The following PRR14L variants were observed in gnomAD, a reference collection of about 807,000 sequenced individuals.
PRR14L encodes protein PRR14L.
Under a neutral mutation model 155.0 loss-of-function variants are expected in PRR14L, and 80 were observed. The observed-to-expected ratio is 0.52, with a 90% CI of 0.43 to 0.62. PRR14L has a LOEUF of 0.62. Ranked by LOEUF, PRR14L falls within the 20% of genes least tolerant of loss-of-function variation. The probability of loss-of-function intolerance (pLI) is 0.00; values close to 1 mark genes in which losing one functional copy is unlikely to be tolerated. For missense variants in PRR14L, 2,469 were observed against 2,548.0 expected (o/e 0.97, Z 0.67); for synonymous variants, 883 against 916.0 (o/e 0.96, Z 0.65).
chr22:31,716,976 G>A lies in PRR14L; in HGVS notation c.863C>T (p.Ala288Val). The A allele has an allele frequency of 6.4e-7, 1 of 1,551,702 alleles. No homozygotes were observed. Among genetic ancestry groups the A allele is most frequent in the African/African-American group, 1.4e-5 (1 of 73,174 alleles). Reference protein sequence around the residue: ...CPWLSLPGNSAISNVDNGKEE... With the variant: ...CPWLSLPGNSVISNVDNGKEE... Reference sequence around the variant, plus strand: ...CTTCCCATTGTCCACATTAGAAATGGCACTGTTTCCTGGTAATGACAACCA... The same window carrying A: ...CTTCCCATTGTCCACATTAGAAATGACACTGTTTCCTGGTAATGACAACCA... The change falls in exon 4 of 9, where the codon GCC becomes GTC. Residue 288 changes from alanine to valine, a missense_variant. Around this residue, in one of 2 missense-constraint regions of PRR14L, gnomAD observed 2,363 missense variants for 2,371.6 expected, o/e 1.00. Coordinates refer to ENST00000327423, the MANE Select transcript of PRR14L (RefSeq NM_173566.3).
At chr22:31,689,992 C>G (rs2147852040) in intron 7 of PRR14L, among the ~76,000 whole-genome samples, 1 of 152,054 alleles carries the variant, frequency 6.6e-6, no homozygotes, top group South Asian at 2.1e-4. Flanking sequence ...TCTCGGCTCA[C>G]TGCAACCTCT....
chr22:31,715,566 A>G lies in PRR14L; in HGVS notation c.2273T>C (p.Leu758Pro). The change falls in exon 4 of 9, where the codon CTG (leucine) becomes CCG (proline). Residue 758 changes from leucine (L) to proline (P), a missense_variant. This residue lies in a region of PRR14L where 2,363 missense variants were observed against 2,371.6 expected (regional missense o/e 1.00). Coordinates refer to ENST00000327423, the MANE Select transcript of PRR14L (RefSeq NM_173566.3). The stretch of plus-strand genomic sequence containing the variant: ...AGCTGCTTCTCTCTTATTTGAGCGC[A>G]GCCTGGAATGTAGAGCTTTTGTTCC... The part of the protein sequence containing the change: ...DSGTKALHSR[L>P]RSNKREAAGF... 1 of 1,552,084 alleles carries G rather than the reference A, an allele frequency of 6.4e-7. No individual in the cohort carries two copies. The highest frequency in any genetic ancestry group is 2.4e-5 in the East Asian group (1 of 40,926).
chr22:31,739,411 T>C lies in PRR14L; in HGVS notation c.-51-500A>G, dbSNP rs542646890. Reference sequence around the variant, plus strand: ...CTGACTTTTCCTCTTTGAGGGAGGATAGGGATAAAGTGGGATTCCATTCCT... The same window carrying C: ...CTGACTTTTCCTCTTTGAGGGAGGACAGGGATAAAGTGGGATTCCATTCCT... On this transcript the variant is annotated intron_variant, in intron 1 of 8. Transcript: ENST00000327423. Among the ~76,000 whole-genome samples the C allele has an allele frequency of 2.0e-5, 3 of 152,348 alleles. No individual in the cohort carries two copies. The East Asian group carries it at 5.8e-4, about 29-fold the overall frequency.
At chr22:31,735,846 C>T (rs1211668424) in intron 2 of PRR14L, among the ~76,000 whole-genome samples, 1 of 151,660 alleles carries the variant, frequency 6.6e-6, no homozygotes, top group East Asian at 1.9e-4. Flanking sequence ...GTCGGGAGTT[C>T]GAGACCAGCC....
intron 4 of PRR14L, among the ~76,000 whole-genome samples, chr22:31,707,311 C>T (rs565501928): frequency 7.2e-5 from 11 of 152,262 alleles, no homozygotes; most frequent in African/African-American, 2.6e-4. Flanking sequence ...AAGGGTTACA[C>T]CTCCACAGGG....
At chr22:31,696,896 CAT>C (rs1297059358) in intron 7 of PRR14L, among the ~76,000 whole-genome samples, 1 of 152,194 alleles carries the variant, frequency 6.6e-6, no homozygotes, top group Non-Finnish European at 1.5e-5. Flanking sequence ...GGGCAGATCA[CAT>C]GAGGTCAGGA....
intron 4 of PRR14L, among the ~76,000 whole-genome samples, chr22:31,708,697 G>A (rs1043574458): frequency 1.3e-5 from 2 of 152,154 alleles, no homozygotes; most frequent in Non-Finnish European, 2.9e-5. Context: ...CTGGAATATA[G>A]TGGCACGATC....
chr22:31,716,330 A>G lies in PRR14L; in HGVS notation c.1509T>C (p.Pro503=). The change falls in exon 4 of 9, where the codon CCT becomes CCC. Residue 503 remains proline (P), a synonymous_variant. Coordinates refer to ENST00000327423, the MANE Select transcript of PRR14L (RefSeq NM_173566.3). ...AACTGCTTTCTTCAGAGTGTCCACC[A>G]GGATGGCTCATATTAGTAAAAGTTT... The part of the protein sequence containing the change: ...HKETFTNMSH[P]GGHSEESSFS... 6.4e-7 allele frequency: 1 copy of G among 1,551,674 alleles called. No individual in the cohort carries two copies. Among genetic ancestry groups the G allele is most frequent in the Non-Finnish European group, 8.7e-7 (1 of 1,146,980 alleles).
intron 2 of PRR14L, among the ~76,000 whole-genome samples, chr22:31,725,851 T>G (rs1175714056): frequency 1.3e-5 from 2 of 152,068 alleles, no homozygotes; most frequent in African/African-American, 4.8e-5. Context: ...GTATTTCTAC[T>G]ACAGACAGCG....
intron 3 of PRR14L, among the ~76,000 whole-genome samples, chr22:31,724,156 C>A (rs2074705198): frequency 6.6e-6 from 1 of 152,154 alleles, no homozygotes. Flanking sequence ...CCAGAGGGGA[C>A]CACCTAGTTG....
intron 1 of PRR14L, among the ~76,000 whole-genome samples, chr22:31,749,558 A>G (rs973181453): frequency 6.6e-6 from 1 of 152,150 alleles, no homozygotes; most frequent in South Asian, 2.1e-4. Flanking sequence ...GTTGGGGGAA[A>G]GGTCTCATTT....
intron 1 of PRR14L, among the ~76,000 whole-genome samples, chr22:31,739,311 G>T (rs944632716): frequency 2.0e-5 from 3 of 152,178 alleles, no homozygotes; most frequent in African/African-American, 7.2e-5. Context: ...ATATCCCCAT[G>T]CTATCCCATA....
At chr22:31,718,658 C>T (rs535566616) in intron 3 of PRR14L, among the ~76,000 whole-genome samples, 1 of 152,232 alleles carries the variant, frequency 6.6e-6, no homozygotes, top group African/African-American at 2.4e-5. Flanking sequence ...TAGTTCTGTT[C>T]CCCTAAGAGA....
At chr22:31,722,784 G>A (rs779403620) in intron 3 of PRR14L, among the ~76,000 whole-genome samples, 2 of 151,810 alleles carry the variant, frequency 1.3e-5, no homozygotes, top group African/African-American at 4.8e-5. Flanking sequence ...TGCCTGCCTC[G>A]GCCTCCCAAA....
At position 31,719,226 on chromosome 22, in the gene PRR14L, ACT is replaced by A. The variant is rs530022518; in HGVS notation, c.548-1937_548-1936del. On this transcript the variant is annotated intron_variant, in intron 3 of 8. Transcript: ENST00000327423. ...GAACCAGCCTGGGCAACACAAGGAG[ACT>A]CTGTCTCTACAAAAAATTTAAAAGA... Among the ~76,000 whole-genome samples, 358 of 151,174 alleles carry A rather than the reference ACT, an allele frequency of 2.4e-3. 1 individual carries two copies. The highest frequency in any genetic ancestry group is 5.6e-4 in the Non-Finnish European group (38 of 67,796).
At chr22:31,718,720 T>TTA (rs200097555) in intron 3 of PRR14L, among the ~76,000 whole-genome samples, 2,206 of 147,600 alleles carry the variant, frequency 0.015, 18 homozygotes, top group South Asian at 0.026. Context: ...ACACATGATT[T>TTA]TATATATATA....
intron 7 of PRR14L, among the ~76,000 whole-genome samples, chr22:31,689,823 T>G (rs1161364590): frequency 6.6e-6 from 1 of 152,158 alleles, no homozygotes; most frequent in Non-Finnish European, 1.5e-5. Flanking sequence ...CTCAGCTCAC[T>G]GCAATCTCCA....
At chr22:31,718,251 GT>G (rs2074671076) in intron 3 of PRR14L, among the ~76,000 whole-genome samples, 1 of 123,128 alleles carries the variant, frequency 8.1e-6, no homozygotes, top group African/African-American at 3.2e-5. Context: ...TTTTGGGGGG[GT>G]TTTTGTTTTT....
chr22:31,692,420 ATGT>A (rs1274843059), intron 7 of PRR14L, among the ~76,000 whole-genome samples: 1 of 152,154 alleles, frequency 6.6e-6, no homozygotes, highest in Non-Finnish European at 1.5e-5. Flanking sequence ...ATGACTCATG[ATGT>A]CAACAGCATC....
Sources: gnomAD v4.1 joint callset for allele counts (sites outside exome capture counted in the v4.1 genomes callset) on GRCh38, gnomAD v4.1.1 for gene constraint, gnomAD v4.1.1 regional missense constraint, MANE v1.5 for transcripts, NCBI Gene and HGNC (gene_info 2026-07-23, HGNC 2026-07-21) for gene names.